The following GRHL3 variants were observed in gnomAD, a reference collection of about 807,000 sequenced individuals.
GRHL3 encodes the protein grainyhead like transcription factor 3, also known as grainyhead-like protein 3 homolog.
GRHL3 carries 20 observed loss-of-function variants against 70.3 expected under a neutral mutation model. The observed-to-expected ratio is 0.28, with a 90% CI of 0.20 to 0.41. The LOEUF (loss-of-function observed/expected upper bound fraction) is 0.41. GRHL3 is among the 10% of genes least tolerant of loss of function. The probability of loss-of-function intolerance (pLI) is 1.00; values close to 1 mark genes in which losing one functional copy is unlikely to be tolerated. For missense variants in GRHL3, 637 were observed against 762.3 expected (o/e 0.84, Z 1.94); for synonymous variants, 299 against 299.9 (o/e 1.00, Z 0.03).
chr1:24,347,616 T>C, intron 14 of GRHL3, 63 bp downstream of exon 14: 2 of 1,268,068 alleles, frequency 1.6e-6, no homozygotes, highest in Non-Finnish European at 2.3e-6. Flanking sequence ...TCCCCACTCC[T>C]CACCACGCAG....
rs1557696912 is a variant in GRHL3 at position 24,336,784 on chromosome 1, A to T, written c.569A>T (p.Gln190Leu). 2 of 1,611,856 alleles carry T rather than the reference A, an allele frequency of 1.2e-6. No homozygotes were observed. Among genetic ancestry groups the T allele is most frequent in the Admixed American group, 1.7e-5 (1 of 59,886 alleles). The stretch of plus-strand genomic sequence containing the variant: ...AGCATTCATGGGGTGCCGCCCACAC[A>T]GCGCTGGCAGCCAGACAGCACCTTC... ...FESIHGVPPTQRWQPDSTFKD... is the reference protein window; with the variant it reads ...FESIHGVPPTLRWQPDSTFKD... The change falls in exon 4 of 16, where the codon CAG becomes CTG. Residue 190 changes from glutamine to leucine, a missense_variant. Gln to Leu is a moderately radical substitution (Grantham distance 113, BLOSUM62 -2). Around this residue, in one of 2 missense-constraint regions of GRHL3, gnomAD observed 250 missense variants for 248.6 expected, o/e 1.01. Coordinates refer to ENST00000361548, the MANE Select transcript of GRHL3 (RefSeq NM_198173.3).
chr1:24,326,449 C>T (rs1459383336), intron 1 of GRHL3, among the ~76,000 whole-genome samples: 2 of 151,010 alleles, frequency 1.3e-5, no homozygotes, highest in Admixed American at 6.6e-5. Context: ...AACCAACATC[C>T]GTCACTCCCT....
downstream of GRHL3, chr1:24,357,055 C>G (rs890359892): frequency 2.3e-5 from 3 of 129,960 alleles, no homozygotes; most frequent in South Asian, 2.6e-4. Context: ...GGCCCCCCCC[C>G]CCAAAAAAAA....
intron 11 of GRHL3, chr1:24,343,368 G>T (rs1640125845): frequency 7.5e-6 from 2 of 266,912 alleles, no homozygotes; most frequent in Admixed American, 4.5e-5. Context: ...GCCAGGTGCG[G>T]CTCTGAGCGC....
At chr1:24,339,559 G>A (rs1455258718) in intron 7 of GRHL3, 109 bp from the exon 8 acceptor site, 22 of 675,422 alleles carry the variant, frequency 3.3e-5, no homozygotes, top group South Asian at 1.0e-4. Flanking sequence ...GATTACAGGC[G>A]TGAGAAACCA....
downstream of GRHL3, chr1:24,358,427 A>AC (rs746924231): frequency 5.7e-6 from 5 of 879,804 alleles, no homozygotes; most frequent in East Asian, 2.4e-5. Flanking sequence ...TGGTAGAGCC[A>AC]CCCCCCAAGT....
At chr1:24,358,064 A>G, downstream of GRHL3, 1 of 374,392 alleles carries the variant, frequency 2.7e-6, no homozygotes, top group East Asian at 7.3e-5. Context: ...TAAGTGAGTG[A>G]GGTCAGAAAG....
At position 24,322,990 on chromosome 1, in the gene GRHL3, G is replaced by T. The variant is rs1466355930; in HGVS notation, c.17+3422G>T. On this transcript the variant is annotated intron_variant, in intron 1 of 15. Transcript: ENST00000361548. The surrounding 1 kb of genome is among the most constrained non-coding windows in gnomAD (Gnocchi z 4.4). ...ATCTTAACCGGGTCTTAGCCGAGCA[G>T]CCATAGGCCACCCCGCTTCCTCTGT... is the stretch of plus-strand genomic sequence containing the variant. 9 of 1,185,842 alleles carry T rather than the reference G, an allele frequency of 7.6e-6. No homozygotes were observed. Among genetic ancestry groups the T allele is most frequent in the Non-Finnish European group, 8.6e-6 (7 of 818,640 alleles). 73.5% of individuals were successfully genotyped at this position (1,185,842 alleles called of 1,614,324 possible).
rs1640643652 is a variant in GRHL3 at position 24,354,569 on chromosome 1, A to G, written c.*81A>G. 2.4e-6 allele frequency: 2 copies of G among 847,606 alleles called. No homozygotes were observed. The highest frequency in any genetic ancestry group is 4.0e-6 in the Non-Finnish European group (2 of 500,488). 52.5% of individuals were successfully genotyped at this position (847,606 alleles called of 1,614,324 possible). On this transcript the variant is annotated 3_prime_UTR_variant, in exon 16 of 16. Transcript: ENST00000361548. ...CCCACGCCACACACAACCTCTCCAC[A>G]TGCCTCAGCGCTGTTACTTGAATGC...
intron 14 of GRHL3, 136 bp from the exon 15 acceptor site, chr1:24,349,922 T>C (rs958681846): frequency 3.0e-5 from 19 of 627,040 alleles, no homozygotes; most frequent in Non-Finnish European, 4.9e-5. Flanking sequence ...TGATTGTAAT[T>C]TTCTTCTTCA....
chr1:24,331,855 C>T (rs927048100), intron 2 of GRHL3, among the ~76,000 whole-genome samples: 1 of 152,186 alleles, frequency 6.6e-6, no homozygotes, highest in East Asian at 1.9e-4. Context: ...TCTGGGTGCC[C>T]TCAGCAACCA....
At chr1:24,349,770 G>A (rs751561605) in intron 14 of GRHL3, among the ~76,000 whole-genome samples, 42 of 152,276 alleles carry the variant, frequency 2.8e-4, no homozygotes, top group South Asian at 1.9e-3. Context: ...GCTTATACTA[G>A]GATGATAAGT....
downstream of GRHL3, among the ~76,000 whole-genome samples, chr1:24,360,012 C>G (rs1193970344): frequency 6.6e-6 from 1 of 152,162 alleles, no homozygotes; most frequent in Non-Finnish European, 1.5e-5. Context: ...CATGAACAAA[C>G]AAGGCATAAA....
rs1473650305 is a variant in GRHL3, at chr1:24,336,715, C to A, written c.500C>A (p.Thr167Asn). 2 of 1,614,128 alleles carry A rather than the reference C, an allele frequency of 1.2e-6. No individual in the cohort carries two copies. Among genetic ancestry groups the A allele is most frequent in the Non-Finnish European group, 1.7e-6 (2 of 1,179,994 alleles). ...AGSVDSYLLP[T>N]TDMYDNGSLN... Reference sequence around the variant, plus strand: ...TCTGTGGACAGCTACCTGTTACCCACCACTGATATGTATGATAATGGCTCC... The same window carrying A: ...TCTGTGGACAGCTACCTGTTACCCAACACTGATATGTATGATAATGGCTCC... The change falls in exon 4 of 16, where the codon ACC becomes AAC. Residue 167 changes from threonine to asparagine, a missense_variant. By Grantham distance (65) the Thr-to-Asn change is moderately conservative. Coordinates refer to ENST00000361548, the MANE Select transcript of GRHL3 (RefSeq NM_198173.3).
At chr1:24,326,974 T>C (rs1639423348) in intron 1 of GRHL3, among the ~76,000 whole-genome samples, 2 of 152,232 alleles carry the variant, frequency 1.3e-5, no homozygotes, top group Non-Finnish European at 2.9e-5. Flanking sequence ...TTGTTTCTTT[T>C]GAACAGAACC....
chr1:24,342,007 A>G lies in GRHL3; in HGVS notation c.1048-108A>G. 9.4e-7 allele frequency: 1 copy of G among 1,059,400 alleles called. No individual in the cohort carries two copies. The highest frequency in any genetic ancestry group is 1.4e-6 in the Non-Finnish European group (1 of 733,568). The allele number at this position is 1,059,400 out of a possible 1,614,324, so 65.6% of individuals were successfully genotyped here. A position where few individuals can be genotyped will look rare whatever the true frequency, so the allele number is the denominator to read the frequency against. ...GCCTTCTAGGGGCCTAGTGAGGCTTAAGGGTGAGCAGCAGGCACACAGAAA... is the reference window on the plus strand; with the variant it reads ...GCCTTCTAGGGGCCTAGTGAGGCTTGAGGGTGAGCAGCAGGCACACAGAAA... On this transcript the variant is annotated intron_variant, in intron 8 of 15. Transcript: ENST00000361548. The surrounding 1 kb of genome is among the most constrained non-coding windows in gnomAD (Gnocchi z 4.8).
chr1:24,337,639 C>A lies in GRHL3; in HGVS notation c.690C>A (p.Asp230Glu), dbSNP rs2148656816. Reference sequence around the variant, plus strand: ...GTCCTCTCCCTCCTCCCTGCAGTGACTTTGAATACACCCTGGGCTCCCCCA... The same window carrying A: ...GTCCTCTCCCTCCTCCCTGCAGTGAATTTGAATACACCCTGGGCTCCCCCA... ...CPEDYPSLKS[D>E]FEYTLGSPKA... Residue 230 changes from aspartate (D) to glutamate (E), a missense_variant, in exon 6 of 16, where the codon GAC becomes GAA. Asp to Glu is a conservative substitution (Grantham distance 45). Coordinates refer to ENST00000361548, the MANE Select transcript of GRHL3 (RefSeq NM_198173.3). 6.2e-7 allele frequency: 1 copy of A among 1,614,086 alleles called. No individual in the cohort carries two copies. Among genetic ancestry groups the A allele is most frequent in the African/African-American group, 1.3e-5 (1 of 75,046 alleles).
At chr1:24,348,506 G>C (rs1460828922) in intron 14 of GRHL3, among the ~76,000 whole-genome samples, 2 of 152,178 alleles carry the variant, frequency 1.3e-5, no homozygotes, top group African/African-American at 2.4e-5. Context: ...GACCATTAAT[G>C]TCACCTAAAT....
At chr1:24,347,152 A>G (rs1409561698) in intron 13 of GRHL3, among the ~76,000 whole-genome samples, 2 of 152,160 alleles carry the variant, frequency 1.3e-5, no homozygotes, top group African/African-American at 2.4e-5. Context: ...ACTGCCATCA[A>G]TTCCCACAAT....
Sources: gnomAD v4.1 joint callset for allele counts (sites outside exome capture counted in the v4.1 genomes callset) on GRCh38, gnomAD v4.1.1 for gene constraint, gnomAD v4.1.1 regional missense constraint, Gnocchi (gnomAD v3.1) non-coding constraint, MANE v1.5 for transcripts, NCBI Gene and HGNC (gene_info 2026-07-23, HGNC 2026-07-21) for gene names.